TCF20: variants seen among roughly 807,000 people sequenced by gnomAD.
The protein encoded by TCF20 is SPRE-binding protein.
Under a neutral mutation model 148.6 loss-of-function variants are expected in TCF20, and 3 were observed. That is an observed-to-expected ratio of 0.02 (90% CI 0.01 to 0.05). The LOEUF (loss-of-function observed/expected upper bound fraction) is 0.05, where lower values mean the gene tolerates loss of function less well. TCF20 is among the 10% of genes least tolerant of loss of function. TCF20 has a pLI of 1.00. For synonymous variants in TCF20, 1,049 were observed against 909.5 expected (o/e 1.15, Z -2.76); for missense variants, 2,350 against 2,429.3 (o/e 0.97, Z 0.69).
In TCF20 at chr22:42,317,533, C is replaced by T. The variant is rs1270167204; in HGVS notation, c.-37+25946G>A. ...ACCCACTCACTACCTGGTACATGGG[C>T]AAAGAAAAATACCCCCATCTCACCA... On this transcript the variant is annotated intron_variant, in intron 1 of 1. Coordinates refer to the TCF20 transcript ENST00000515426. The surrounding 1 kb of genome is among the most constrained non-coding windows in gnomAD (Gnocchi z 4.2). Among the ~76,000 whole-genome samples the T allele has an allele frequency of 6.6e-6, 1 of 152,144 alleles. No homozygotes were observed. The highest frequency in any genetic ancestry group is 1.5e-5 in the Non-Finnish European group (1 of 68,018).
At chr22:42,284,195 T>C (rs76462269), upstream of TCF20, among the ~76,000 whole-genome samples, 18,904 of 149,432 alleles carry the variant, frequency 0.13, 1,337 homozygotes, top group African/African-American at 0.19. Context: ...CGTGCCAGCG[T>C]GGAGGGGGGC....
intron 5 of TCF20, among the ~76,000 whole-genome samples, chr22:42,166,551 G>A (rs75022111): frequency 6.6e-6 from 1 of 151,342 alleles, no homozygotes; most frequent in Non-Finnish European, 1.5e-5. Flanking sequence ...GGAGGTTGCA[G>A]TGAGCCGAGA....
At chr22:42,243,554 A>G (rs1924651962) in intron 1 of TCF20, among the ~76,000 whole-genome samples, 1 of 152,116 alleles carries the variant, frequency 6.6e-6, no homozygotes, top group South Asian at 2.1e-4. Flanking sequence ...GTGAGCTGAG[A>G]TCACACCACT....
At chr22:42,239,702 G>T (rs889407697) in intron 1 of TCF20, among the ~76,000 whole-genome samples, 11 of 152,116 alleles carry the variant, frequency 7.2e-5, no homozygotes, top group Admixed American at 7.2e-4. Context: ...GGGGAGAATC[G>T]CTAGAACCCA....
Position 42,214,051 on chromosome 22 carries a change from T to C in TCF20, c.1255A>G (p.Ser419Gly). The change falls in exon 2 of 6, where the codon AGT (serine) becomes GGT (glycine). Residue 419 changes from serine (S) to glycine (G), a missense_variant. This residue lies in a region of TCF20 where 1,641 missense variants were observed against 1,662.6 expected (regional missense o/e 0.99). Coordinates refer to ENST00000677622, the MANE Select transcript of TCF20 (RefSeq NM_001378418.1). ...NRILQLMPQL[S>G]PTPSMMPSPN... is the part of the protein sequence containing the mutation. The stretch of plus-strand genomic sequence containing the variant: ...CTGGGCATCATTGATGGGGTTGGAC[T>C]GAGTTGAGGCATTAACTGTAAAATT... 6.2e-7 allele frequency: 1 copy of C among 1,614,206 alleles called. No individual in the cohort carries two copies. Among genetic ancestry groups the C allele is most frequent in the Non-Finnish European group, 8.5e-7 (1 of 1,180,032 alleles).
chr22:42,177,577 G>A (rs1002530634), intron 3 of TCF20, among the ~76,000 whole-genome samples: 4 of 152,100 alleles, frequency 2.6e-5, no homozygotes, highest in South Asian at 2.1e-4. Context: ...AGTCTTCTGC[G>A]TCACTCATTG....
intron 2 of TCF20, 83 bp from the exon 3 acceptor site, chr22:42,179,785 G>T: frequency 1.1e-6 from 1 of 876,862 alleles, no homozygotes; most frequent in South Asian, 1.3e-5. Context: ...CCATCTGTTA[G>T]ACCTCAGCAC....
At chr22:42,270,315 C>A (rs1926535566) in intron 1 of TCF20, among the ~76,000 whole-genome samples, 24 bp downstream of exon 1, 2 of 151,990 alleles carry the variant, frequency 1.3e-5, no homozygotes, top group Non-Finnish European at 2.9e-5. Flanking sequence ...CTCTCCCTGC[C>A]CCTCAGGCCC....
chr22:42,319,847 G>A (rs1569208640), intron 1 of TCF20, among the ~76,000 whole-genome samples: 2 of 152,132 alleles, frequency 1.3e-5, no homozygotes, highest in East Asian at 1.9e-4. Context: ...GAGCAGGGCT[G>A]TGCCGCAGCT....
At chr22:42,218,987 A>G (rs1922077310) in intron 1 of TCF20, among the ~76,000 whole-genome samples, 3 of 152,106 alleles carry the variant, frequency 2.0e-5, no homozygotes, top group Non-Finnish European at 4.4e-5. Context: ...TGAGTAGGAG[A>G]AGGTGGTTGC....
rs143556414 is a variant in TCF20, at chr22:42,342,279, G to C, written c.-37+1200C>G. Among the ~76,000 whole-genome samples, 1,057 of 152,316 alleles carry C rather than the reference G, an allele frequency of 6.9e-3. 3 individuals are homozygous for C. Among genetic ancestry groups the C allele is most frequent in the Non-Finnish European group, 0.012 (801 of 68,020 alleles). ...GTACGTCCAGGGCAGATGGGGAATG[G>C]GGGAGAAACGACGGGAGGGCTGACT... On this transcript the variant is annotated intron_variant, in intron 1 of 1. Transcript: ENST00000515426.
At chr22:42,226,914 A>C (rs1922959866) in intron 1 of TCF20, among the ~76,000 whole-genome samples, 1 of 152,204 alleles carries the variant, frequency 6.6e-6, no homozygotes, top group Non-Finnish European at 1.5e-5. Flanking sequence ...TAGTATTGTA[A>C]AGACGTTAAG....
chr22:42,232,797 T>C (rs1237921470), intron 1 of TCF20, among the ~76,000 whole-genome samples: 9 of 97,348 alleles, frequency 9.2e-5, no homozygotes, highest in Non-Finnish European at 1.7e-4. Context: ...AGACTCCGTC[T>C]CCAAAAAGAA....
chr22:42,228,608 G>A (rs960851132), intron 1 of TCF20, among the ~76,000 whole-genome samples: 1 of 152,204 alleles, frequency 6.6e-6, no homozygotes, highest in African/African-American at 2.4e-5. Context: ...TTTGTGAAGA[G>A]GAACGAGGCT....
At chr22:42,255,935 T>G (rs922074339) in intron 1 of TCF20, among the ~76,000 whole-genome samples, 2 of 152,198 alleles carry the variant, frequency 1.3e-5, no homozygotes, top group African/African-American at 4.8e-5. Flanking sequence ...CCTTCCCCTC[T>G]GTCATCTCTA....
intron 2 of TCF20, among the ~76,000 whole-genome samples, chr22:42,193,455 C>T (rs1937442508): frequency 6.6e-6 from 1 of 151,820 alleles, no homozygotes; most frequent in Non-Finnish European, 1.5e-5. Context: ...CCTCTACTTC[C>T]TTAGTAGCTG....
At chr22:42,196,482 C>G (rs140767582) in intron 2 of TCF20, among the ~76,000 whole-genome samples, 1 of 152,130 alleles carries the variant, frequency 6.6e-6, no homozygotes, top group East Asian at 1.9e-4. Context: ...TAGAAACAAG[C>G]AAACAGAATA....
upstream of TCF20, among the ~76,000 whole-genome samples, chr22:42,275,373 A>G (rs1019106283): frequency 1.3e-5 from 2 of 152,294 alleles, no homozygotes; most frequent in African/African-American, 4.8e-5. Flanking sequence ...AGGTGAGCAG[A>G]GAGCTAACAC....
intron 1 of TCF20, among the ~76,000 whole-genome samples, chr22:42,246,113 CTT>C (rs745339041): frequency 6.6e-6 from 1 of 151,808 alleles, no homozygotes; most frequent in Non-Finnish European, 1.5e-5. Context: ...TTTCTTTTTT[CTT>C]TTTTTTCTGA....
Sources: allele counts gnomAD v4.1 joint callset (sites outside exome capture counted in the v4.1 genomes callset), GRCh38; gene constraint gnomAD v4.1.1; regional missense constraint gnomAD v4.1.1; non-coding constraint Gnocchi (gnomAD v3.1); transcripts MANE v1.5; gene names NCBI Gene and HGNC (gene_info 2026-07-23, HGNC 2026-07-21).